Variants in RGSL1 observed in about 807,000 individuals in gnomAD.
RGSL1 encodes regulator of G protein signaling protein-like.
In RGSL1, 97 loss-of-function variants were observed where a neutral mutation model predicts 124.7. The ratio of observed to expected loss-of-function variants is 0.78; its 90% CI spans 0.66 to 0.92. RGSL1 has a LOEUF of 0.92. Ranked by LOEUF, RGSL1 falls within the 40% of genes least tolerant of loss-of-function variation. The pLI is 0.00. For missense variants in RGSL1, 1,233 were observed against 1,288.4 expected (o/e 0.96, Z 0.66); for synonymous variants, 424 against 438.1 (o/e 0.97, Z 0.40).
intron 4 of RGSL1, among the ~76,000 whole-genome samples, chr1:182,465,377 A>G (rs1459295069): frequency 6.7e-6 from 1 of 149,064 alleles, no homozygotes; most frequent in Admixed American, 6.8e-5. Flanking sequence ...AAAACCAAAC[A>G]CCGCATGTTC....
At position 182,551,171 on chromosome 1, in the gene RGSL1, C is replaced by G. The variant is rs1449226767; in HGVS notation, c.3005C>G (p.Pro1002Arg). The change falls in exon 18 of 22, where the codon CCT becomes CGT. Residue 1002 changes from proline (P) to arginine (R), a missense_variant. By Grantham distance (103) the Pro-to-Arg change is moderately radical (BLOSUM62 -2). Transcript: ENST00000294854. ...AAGAAGTTCAAGGACAGAAAAAGCC[C>G]TCCTAAATCTACGGACAAGTATCCT... ...RGKKFKDRKSPPKSTDKYPFS... is the reference protein window; with the variant it reads ...RGKKFKDRKSRPKSTDKYPFS... The G allele has an allele frequency of 1.9e-6, 3 of 1,551,720 alleles. No homozygotes were observed. Among genetic ancestry groups the G allele is most frequent in the Admixed American group, 3.9e-5 (2 of 51,006 alleles).
Position 182,472,222 on chromosome 1 carries a change from A to G in RGSL1, c.302-174A>G, listed in dbSNP as rs570630491. On this transcript the variant is annotated intron_variant, in intron 4 of 21. Transcript: ENST00000294854. The stretch of plus-strand genomic sequence containing the variant: ...TTAAGCCTCTTCTCCCCATGCCTCC[A>G]ATTCTCCCCCACAGTAGAACTTTTC... 9.2e-5 allele frequency among the ~76,000 whole-genome samples: 14 copies of G among 152,282 alleles called. No individual in the cohort carries two copies. In the South Asian group the frequency reaches 2.9e-3, roughly 32 times the overall value.
chr1:182,530,696 G>A, intron 12 of RGSL1, 94 bp from the exon 13 acceptor site: 2 of 1,349,868 alleles, frequency 1.5e-6, no homozygotes, highest in Non-Finnish European at 2.0e-6. Context: ...ACCACTGAGA[G>A]TTCCTCCAGA....
intron 9 of RGSL1, among the ~76,000 whole-genome samples, chr1:182,495,582 C>T (rs926636877): frequency 2.0e-5 from 3 of 152,194 alleles, no homozygotes; most frequent in East Asian, 1.9e-4. Flanking sequence ...TCCACACAAA[C>T]GAATGCACAG....
intron 4 of RGSL1, among the ~76,000 whole-genome samples, chr1:182,471,620 G>A (rs915319932): frequency 6.6e-6 from 1 of 152,140 alleles, no homozygotes; most frequent in African/African-American, 2.4e-5. Context: ...ATTAAGCACT[G>A]CTATGTGGCA....
intron 6 of RGSL1, among the ~76,000 whole-genome samples, chr1:182,485,252 A>G (rs1233175851): frequency 7.2e-5 from 11 of 152,046 alleles, no homozygotes; most frequent in South Asian, 2.1e-4. Context: ...TGGAGGCCCA[A>G]TGTTTCCTTT....
chr1:182,513,902 T>C (rs1027749887), intron 9 of RGSL1, among the ~76,000 whole-genome samples: 141 of 151,446 alleles, frequency 9.3e-4, no homozygotes, highest in African/African-American at 3.4e-3. Context: ...CCTATCTTTT[T>C]TTTTTTTTTT....
At position 182,506,979 on chromosome 1, in the gene RGSL1, CTTTCTTTT is replaced by C. The variant is rs1656855541; in HGVS notation, c.1825+13854_1825+13861del. ...ATATTGCTATATTCACCCTGCTCAC[CTTTCTTTT>C]TTTTTTTTTTTTTTTTTTTGTGACA... On this transcript the variant is annotated intron_variant, in intron 9 of 21. Coordinates refer to ENST00000294854, the MANE Select transcript of RGSL1 (RefSeq NM_001137669.2). Among the ~76,000 whole-genome samples, 12 of 117,200 alleles carry C rather than the reference CTTTCTTTT, an allele frequency of 1.0e-4. No homozygotes were observed. The Admixed American group carries it at 1.2e-3, about 12-fold the overall frequency. The allele number at this position is 117,200 out of a possible 152,430, so 76.9% of individuals were successfully genotyped here. A position where few individuals can be genotyped will look rare whatever the true frequency, so the allele number is the denominator to read the frequency against.
chr1:182,509,734 C>T (rs1451410514), intron 9 of RGSL1, among the ~76,000 whole-genome samples: 1 of 140,942 alleles, frequency 7.1e-6, no homozygotes, highest in Admixed American at 6.8e-5. Context: ...CCCCACCTCC[C>T]TCCCGGATGG....
At chr1:182,482,582 A>G (rs577418175) in intron 6 of RGSL1, among the ~76,000 whole-genome samples, 7 of 152,224 alleles carry the variant, frequency 4.6e-5, no homozygotes, top group Non-Finnish European at 1.0e-4. Flanking sequence ...TAAAATCAAT[A>G]TTCAAAAACA....
chr1:182,475,353 C>G (rs1437876306), intron 6 of RGSL1, among the ~76,000 whole-genome samples: 4 of 152,150 alleles, frequency 2.6e-5, no homozygotes, highest in Admixed American at 6.5e-5. Flanking sequence ...ATTGTATCAT[C>G]AAGTTCTTAG....
intron 9 of RGSL1, among the ~76,000 whole-genome samples, chr1:182,503,455 A>C (rs1384230128): frequency 6.6e-6 from 1 of 152,152 alleles, no homozygotes; most frequent in Non-Finnish European, 1.5e-5. Flanking sequence ...CATTATGTTA[A>C]GTGAAATAAG....
At chr1:182,551,909 A>G (rs1660586730) in intron 18 of RGSL1, among the ~76,000 whole-genome samples, 1 of 152,188 alleles carries the variant, frequency 6.6e-6, no homozygotes, top group Non-Finnish European at 1.5e-5. Flanking sequence ...CACAATTGCA[A>G]CAGCATTCAG....
chr1:182,486,152 C>T (rs1263496677), intron 6 of RGSL1, among the ~76,000 whole-genome samples: 1 of 152,018 alleles, frequency 6.6e-6, no homozygotes, highest in Admixed American at 6.6e-5. Flanking sequence ...ACTATTAAAA[C>T]TATTATAGGG....
Position 182,489,157 on chromosome 1 carries a change from G to C in RGSL1, c.1672G>C (p.Gly558Arg). 1.9e-6 allele frequency: 3 copies of C among 1,551,730 alleles called. No homozygotes were observed. The highest frequency in any genetic ancestry group is 2.6e-6 in the Non-Finnish European group (3 of 1,147,010). Residue 558 changes from glycine (G) to arginine (R), a missense_variant, in exon 8 of 22, where the codon GGA becomes CGA. Coordinates refer to ENST00000294854, the MANE Select transcript of RGSL1 (RefSeq NM_001137669.2). Reference sequence around the variant, plus strand: ...GATAGCTACTGAGGACCTGAAGCAAGGAGGCTCTCTCCAGGTAGAGCTGAC... The same window carrying C: ...GATAGCTACTGAGGACCTGAAGCAACGAGGCTCTCTCCAGGTAGAGCTGAC... ...RKIATEDLKQGGSLQVELTSP... is the reference protein window; with the variant it reads ...RKIATEDLKQRGSLQVELTSP...
At chr1:182,553,566 G>C in intron 19 of RGSL1, 25 bp downstream of exon 19, 2 of 1,544,476 alleles carry the variant, frequency 1.3e-6, no homozygotes, top group Middle Eastern at 1.7e-4. Flanking sequence ...GATCCCCACT[G>C]ATAGTTTGCT....
At chr1:182,543,878 T>C (rs1241710030) in intron 15 of RGSL1, among the ~76,000 whole-genome samples, 1 of 152,046 alleles carries the variant, frequency 6.6e-6, no homozygotes, top group Non-Finnish European at 1.5e-5. Flanking sequence ...CTGATTTTAT[T>C]TATTTGGGTC....
Position 182,450,197 on chromosome 1 carries a change from T to A in RGSL1, c.13+19T>A. 10 of 1,552,058 alleles carry A rather than the reference T, an allele frequency of 6.4e-6. No individual in the cohort carries two copies. The highest frequency in any genetic ancestry group is 8.7e-6 in the Non-Finnish European group (10 of 1,147,020). On this transcript the variant is annotated intron_variant, in intron 1 of 21. Coordinates refer to ENST00000294854, the MANE Select transcript of RGSL1 (RefSeq NM_001137669.2). ...AGTGCTGGTGAGTCTCTGCCAGGGATGTCTCCAAGGCCTTGAGTCTCTCAA... is the reference window on the plus strand; with the variant it reads ...AGTGCTGGTGAGTCTCTGCCAGGGAAGTCTCCAAGGCCTTGAGTCTCTCAA...
chr1:182,554,800 T>A (rs1660770254), intron 20 of RGSL1, 107 bp downstream of exon 20: 2 of 1,094,922 alleles, frequency 1.8e-6, no homozygotes, highest in African/African-American at 1.6e-5. Context: ...ACCCTGCCTC[T>A]CCTTGGCATG....
Sources: gnomAD v4.1 joint callset for allele counts (sites outside exome capture counted in the v4.1 genomes callset) on GRCh38, gnomAD v4.1.1 for gene constraint, MANE v1.5 for transcripts, NCBI Gene and HGNC (gene_info 2026-07-23, HGNC 2026-07-21) for gene names.